LRRTM4: variants seen among roughly 807,000 people sequenced by gnomAD.
LRRTM4 encodes the protein leucine-rich repeat transmembrane neuronal protein 4.
In LRRTM4, 25 loss-of-function variants were observed where a neutral mutation model predicts 47.6. The ratio of observed to expected loss-of-function variants is 0.53; its 90% CI spans 0.38 to 0.73. LRRTM4 has a LOEUF of 0.73. LRRTM4 is among the 30% of genes least tolerant of loss of function. The pLI, the probability that LRRTM4 is intolerant of heterozygous loss-of-function variation, is 0.00. For synonymous variants in LRRTM4, 311 were observed against 269.5 expected, an observed-to-expected ratio of 1.15 and a Z score of -1.51; for missense variants, 638 against 713.4, an observed-to-expected ratio of 0.89 and a Z score of 1.20.
chr2:76,947,624 T>C (rs1675365173), intron 3 of LRRTM4, among the ~76,000 whole-genome samples: 1 of 151,828 alleles, frequency 6.6e-6, no homozygotes, highest in East Asian at 1.9e-4. Flanking sequence ...TTAACATACA[T>C]ACAAATAGAC....
chr2:76,790,243 A>G (rs1223175667), intron 3 of LRRTM4, among the ~76,000 whole-genome samples: 1 of 152,190 alleles, frequency 6.6e-6, no homozygotes, highest in Non-Finnish European at 1.5e-5. Context: ...TGAGACAGTC[A>G]TTGGTTCTGC....
chr2:76,850,444 T>C (rs1311490487), intron 3 of LRRTM4, among the ~76,000 whole-genome samples: 4 of 152,190 alleles, frequency 2.6e-5, no homozygotes, highest in Non-Finnish European at 4.4e-5. Flanking sequence ...TCAGTGATGT[T>C]GAACAAAGAA....
intron 3 of LRRTM4, among the ~76,000 whole-genome samples, chr2:77,339,442 G>A (rs1388496152): frequency 3.3e-5 from 5 of 151,864 alleles, no homozygotes; most frequent in Non-Finnish European, 7.4e-5. Context: ...CCACCACAGT[G>A]AAAACAAAGA....
At chr2:77,079,329 G>A (rs1014552209) in intron 3 of LRRTM4, among the ~76,000 whole-genome samples, 1 of 152,110 alleles carries the variant, frequency 6.6e-6, no homozygotes, top group African/African-American at 2.4e-5. Flanking sequence ...ATGAACCAGT[G>A]GCTATTTTTG....
At chr2:77,517,099 G>C in intron 3 of LRRTM4, 1 of 985,068 alleles carries the variant, frequency 1.0e-6, no homozygotes, top group Non-Finnish European at 1.2e-6. Flanking sequence ...TTAGTAGTCA[G>C]TCTTTGCACA....
intron 3 of LRRTM4, among the ~76,000 whole-genome samples, chr2:77,128,130 G>A (rs111629805): frequency 0.15 from 20,840 of 139,806 alleles, 1,792 homozygotes; most frequent in Non-Finnish European, 0.2. Context: ...GTGACAGAGC[G>A]AGACTCTGTC....
chr2:76,805,988 GT>G (rs1311825979), intron 3 of LRRTM4, among the ~76,000 whole-genome samples: 4 of 152,264 alleles, frequency 2.6e-5, no homozygotes, highest in Admixed American at 2.6e-4. Context: ...TAGGCTTACA[GT>G]TCCAGGGGTT....
intron 3 of LRRTM4, among the ~76,000 whole-genome samples, chr2:77,122,418 T>C (rs549382844): frequency 3.8e-4 from 57 of 150,942 alleles, no homozygotes; most frequent in African/African-American, 1.3e-3. Flanking sequence ...GATGTAAACA[T>C]ATATATGTGT....
At chr2:76,979,512 T>C (rs937622738) in intron 3 of LRRTM4, among the ~76,000 whole-genome samples, 8 of 150,166 alleles carry the variant, frequency 5.3e-5, no homozygotes, top group African/African-American at 2.0e-4. Context: ...ACAATGCATA[T>C]CTAATTCAGA....
intron 3 of LRRTM4, among the ~76,000 whole-genome samples, chr2:77,317,010 A>T (rs577841606): frequency 6.6e-6 from 1 of 152,316 alleles, no homozygotes; most frequent in Non-Finnish European, 1.5e-5. Flanking sequence ...CTTGGAACTG[A>T]CCTAAGAAAT....
intron 3 of LRRTM4, among the ~76,000 whole-genome samples, chr2:77,139,743 A>G (rs1419047614): frequency 6.6e-6 from 1 of 152,176 alleles, no homozygotes; most frequent in Non-Finnish European, 1.5e-5. Flanking sequence ...TCAGCCCCAA[A>G]TCTCCTTAAG....
At position 76,880,187 on chromosome 2, in the gene LRRTM4, G is replaced by A. The variant is rs74705052; in HGVS notation, c.1552-131271C>T. 7.0e-3 allele frequency among the ~76,000 whole-genome samples: 1,059 copies of A among 152,242 alleles called. 10 individuals are homozygous for A. The highest frequency in any genetic ancestry group is 0.023 in the African/African-American group (974 of 41,532). On this transcript the variant is annotated intron_variant, in intron 3 of 3. Transcript: ENST00000409884. ...CAGTTTTGAAAGAAATTCTACTGTG[G>A]GTGAAATGCGGGTACAGCATCACAT...
intron 3 of LRRTM4, among the ~76,000 whole-genome samples, chr2:76,953,162 A>G (rs1675553317): frequency 9.9e-6 from 1 of 100,650 alleles, no homozygotes; most frequent in Non-Finnish European, 1.8e-5. Flanking sequence ...TTGAAAAAAA[A>G]TAAAGTAAAA....
chr2:77,395,050 G>A (rs1019173575), intron 3 of LRRTM4, among the ~76,000 whole-genome samples: 7 of 151,944 alleles, frequency 4.6e-5, no homozygotes, highest in African/African-American at 1.7e-4. Flanking sequence ...AAGTGTAAGG[G>A]TGTGTGAATT....
chr2:77,229,799 T>A (rs1390521978), intron 3 of LRRTM4, among the ~76,000 whole-genome samples: 1 of 152,182 alleles, frequency 6.6e-6, no homozygotes, highest in African/African-American at 2.4e-5. Context: ...GAAATATTTT[T>A]TAAATACCTG....
rs575417414 is a variant in LRRTM4, at chr2:77,055,933, T to C, written c.1552-307017A>G. ...GAAATTATCATTCTCAGTAAACTAT[T>C]GCAAGAACAAAAAACCAAACACCGC... On this transcript the variant is annotated intron_variant, in intron 3 of 3. Coordinates refer to ENST00000409884, the MANE Select transcript of LRRTM4 (RefSeq NM_001134745.3). Among the ~76,000 whole-genome samples the C allele has an allele frequency of 6.5e-3, 975 of 150,310 alleles. 14 individuals are homozygous for C. The highest frequency in any genetic ancestry group is 0.022 in the African/African-American group (899 of 40,558).
Position 77,330,976 on chromosome 2 carries a change from T to C in LRRTM4, c.1551+187342A>G, listed in dbSNP as rs193231505. ...TAAAGCAGGATGACTCAAATTAAGA[T>C]TTATATGTATATATATTGTTATTCA... On this transcript the variant is annotated intron_variant, in intron 3 of 3. Coordinates refer to ENST00000409884, the MANE Select transcript of LRRTM4 (RefSeq NM_001134745.3). 6.5e-4 allele frequency among the ~76,000 whole-genome samples: 99 copies of C among 152,280 alleles called. 1 individual carries two copies. The highest frequency in any genetic ancestry group is 1.5e-3 in the East Asian group (8 of 5,176).
intron 3 of LRRTM4, among the ~76,000 whole-genome samples, chr2:77,354,555 A>C (rs1335618339): frequency 1.3e-5 from 2 of 152,118 alleles, no homozygotes; most frequent in Admixed American, 1.3e-4. Context: ...ATCATGGGCA[A>C]GTATTTTATT....
At chr2:76,981,245 G>T (rs1240291958) in intron 3 of LRRTM4, among the ~76,000 whole-genome samples, 1 of 152,032 alleles carries the variant, frequency 6.6e-6, no homozygotes, top group African/African-American at 2.4e-5. Context: ...AAAATTCATA[G>T]TCTCTGCTCT....
Sources: allele counts gnomAD v4.1 joint callset (sites outside exome capture counted in the v4.1 genomes callset), GRCh38; gene constraint gnomAD v4.1.1; transcripts MANE v1.5; gene names NCBI Gene and HGNC (gene_info 2026-07-23, HGNC 2026-07-21).